The following PMS2 variants were observed in gnomAD, a reference collection of about 807,000 sequenced individuals.
PMS2 encodes PMS1 homolog 2, mismatch repair system component, also known as mismatch repair endonuclease PMS2.
Under a neutral mutation model 90.0 loss-of-function variants are expected in PMS2, and 69 were observed. That is an observed-to-expected ratio of 0.77 (90% CI 0.63 to 0.94). PMS2 has a LOEUF of 0.94. Among genes scored for constraint, PMS2 ranks in the 40% least tolerant of loss-of-function variants. The probability of loss-of-function intolerance (pLI) is 0.00; values close to 1 mark genes in which losing one functional copy is unlikely to be tolerated. For synonymous variants in PMS2, 332 were observed against 375.1 expected (o/e 0.89, Z 1.33); for missense variants, 966 against 1,040.2 (o/e 0.93, Z 0.98).
At position 5,999,182 on chromosome 7, in the gene PMS2, G is replaced by C. The variant is rs760228510; in HGVS notation, c.631C>G (p.Arg211Gly). ...CCACCTGTGCATACCACAGGCTGTC[G>C]TTTTCCTTGTCCAAGCTGATTGGTG... The part of the protein sequence containing the change: ...SCTNQLGQGK[R>G]QPVVCTGGSP... Residue 211 changes from arginine (R) to glycine (G), a missense_variant, in exon 6 of 15, where the codon CGA becomes GGA. Physicochemically the swap from Arg to Gly is moderately radical, Grantham distance 125. Transcript: ENST00000265849. The C allele has an allele frequency of 6.2e-7, 1 of 1,614,046 alleles. No individual in the cohort carries two copies. The highest frequency in any genetic ancestry group is 8.5e-7 in the Non-Finnish European group (1 of 1,179,996).
At chr7:5,983,853 T>C (rs889220792) in intron 11 of PMS2, among the ~76,000 whole-genome samples, 2 of 151,670 alleles carry the variant, frequency 1.3e-5, no homozygotes, top group African/African-American at 2.4e-5. Flanking sequence ...GGTTTCACCA[T>C]GTTGGCTAGG....
chr7:5,988,944 C>T (rs1283560941), intron 10 of PMS2, among the ~76,000 whole-genome samples: 1 of 152,138 alleles, frequency 6.6e-6, no homozygotes, highest in Non-Finnish European at 1.5e-5. Flanking sequence ...CAAGCCCCTC[C>T]TCCCGGGTTC....
intron 7 of PMS2, 129 bp from the exon 8 acceptor site, chr7:5,995,762 G>A (rs2128777490): frequency 1.4e-6 from 1 of 729,982 alleles, no homozygotes; most frequent in East Asian, 2.6e-5. Flanking sequence ...GATCACTATT[G>A]CAGTTCACGG....
intron 9 of PMS2, among the ~76,000 whole-genome samples, chr7:5,991,048 A>G (rs139507080): frequency 9.1e-4 from 139 of 152,302 alleles, no homozygotes; most frequent in African/African-American, 3.3e-3. Flanking sequence ...GCAGATAATG[A>G]TTTAATTATA....
chr7:5,997,447 A>C, intron 6 of PMS2, 24 bp from the exon 7 acceptor site: 1 of 1,259,274 alleles, frequency 7.9e-7, no homozygotes, highest in South Asian at 1.2e-5. Flanking sequence ...AAAAAAATTC[A>C]CAGTTACTTC....
intron 10 of PMS2, among the ~76,000 whole-genome samples, chr7:5,989,571 G>A (rs1783482195): frequency 6.6e-6 from 1 of 151,976 alleles, no homozygotes; most frequent in African/African-American, 2.4e-5. Flanking sequence ...GGAGGCTGAG[G>A]CAGGAAGATG....
chr7:6,003,421 C>A (rs1361265390), intron 4 of PMS2: 14 of 368,288 alleles, frequency 3.8e-5, no homozygotes, highest in Non-Finnish European at 6.8e-5. Context: ...TGGTAACTAT[C>A]ATTTATTATC....
chr7:5,998,461 G>C (rs1306996242), intron 6 of PMS2, among the ~76,000 whole-genome samples: 1 of 150,802 alleles, frequency 6.6e-6, no homozygotes, highest in African/African-American at 2.4e-5. Flanking sequence ...GGGAGGCCGA[G>C]GCAGGCGGAT....
chr7:5,983,616 A>C (rs1782544000), intron 11 of PMS2, among the ~76,000 whole-genome samples: 4 of 151,828 alleles, frequency 2.6e-5, no homozygotes, highest in South Asian at 2.1e-4. Flanking sequence ...ACAAGTTTTC[A>C]GACCTGTACA....
rs1583323473 is a variant in PMS2, at chr7:5,987,569, T to C, written c.1196A>G (p.Lys399Arg). Reference sequence around the variant, plus strand: ...CCTTAATGAAGGGGATTGATCCTGCTTTTCTACCATGGGCTTTTCCAAATC... The same window carrying C: ...CCTTAATGAAGGGGATTGATCCTGCCTTTCTACCATGGGCTTTTCCAAATC... ...AADLEKPMVE[K>R]QDQSPSLRTG... Residue 399 changes from lysine to arginine, a missense_variant, in exon 11 of 15, where the codon AAG becomes AGG. Coordinates refer to ENST00000265849, the MANE Select transcript of PMS2 (RefSeq NM_000535.7). 1 of 1,612,994 alleles carries C rather than the reference T, an allele frequency of 6.2e-7. No homozygotes were observed.
chr7:5,990,968 T>A (rs1375497890), intron 9 of PMS2, among the ~76,000 whole-genome samples: 1 of 152,056 alleles, frequency 6.6e-6, no homozygotes, highest in Non-Finnish European at 1.5e-5. Context: ...TGAGCTGATA[T>A]TACACCACTG....
At position 5,997,387 on chromosome 7, in the gene PMS2, TA is replaced by T. The variant is rs1583374709; in HGVS notation, c.741del (p.Ser248ValfsTer10). The T allele has an allele frequency of 6.2e-7, 1 of 1,601,744 alleles. No homozygotes were observed. ...QSLIPFVQLPPSDSVCEEYGL... is the reference protein window; with the variant it reads ...QSLIPFVQLPXSDSVCEEYGL... Reference sequence around the variant, plus strand: ...CCGTACTCTTCACACACGGAGTCACTAGGGGGCAGCTGAACAAAAGGAATGA... The same window carrying T: ...CCGTACTCTTCACACACGGAGTCACTGGGGGCAGCTGAACAAAAGGAATGA... On this transcript the variant is annotated frameshift_variant, in exon 7 of 15. Coordinates refer to ENST00000265849, the MANE Select transcript of PMS2 (RefSeq NM_000535.7). LOFTEE classifies it high-confidence loss of function.
chr7:6,005,771 T>A, intron 2 of PMS2, 121 bp downstream of exon 2: 1 of 1,510,958 alleles, frequency 6.6e-7, no homozygotes, highest in South Asian at 1.2e-5. Context: ...TAACTTCAAC[T>A]TAAAAATAAT....
chr7:5,980,739 G>A (rs1349667307), intron 12 of PMS2, among the ~76,000 whole-genome samples: 1 of 126,000 alleles, frequency 7.9e-6, no homozygotes, highest in Admixed American at 8.1e-5. Context: ...CAGTATGGGC[G>A]AAAGAGTGAA....
intron 2 of PMS2, among the ~76,000 whole-genome samples, chr7:6,005,592 C>T (rs1785644066): frequency 6.6e-6 from 1 of 152,190 alleles, no homozygotes; most frequent in Non-Finnish European, 1.5e-5. Context: ...CCACCTCGGC[C>T]TCTCAAAGGG....
intron 1 of PMS2, 40 bp from the exon 2 acceptor site, chr7:6,006,071 C>G: frequency 9.3e-6 from 15 of 1,605,940 alleles, no homozygotes; most frequent in Non-Finnish European, 1.3e-5. Context: ...AAGTATTCAG[C>G]TATATATTTT....
chr7:5,987,441 G>C lies in PMS2; in HGVS notation c.1324C>G (p.Pro442Ala), dbSNP rs1783134322. 1.2e-6 allele frequency: 2 copies of C among 1,614,084 alleles called. No homozygotes were observed. The highest frequency in any genetic ancestry group is 1.6e-4 in the Middle Eastern group (1 of 6,062). ...TTCTGTCCTAGAGGGCTCCTTCTTG[G>C]TTCTGGAGTCTTTGGGCTGTGAGGC... ...NKPHSPKTPE[P>A]RRSPLGQKRG... is the part of the protein sequence containing the mutation. The change falls in exon 11 of 15, where the codon CCA becomes GCA. Residue 442 changes from proline to alanine, a missense_variant. Around this residue, in one of 2 missense-constraint regions of PMS2, gnomAD observed 871 missense variants for 802.4 expected, o/e 1.09. Transcript: ENST00000265849.
intron 12 of PMS2, among the ~76,000 whole-genome samples, chr7:5,978,920 T>TG (rs1782017349): frequency 6.7e-6 from 1 of 149,160 alleles, no homozygotes; most frequent in African/African-American, 2.5e-5. Flanking sequence ...ACAGGCCAGG[T>TG]GCGGTGGCTC....
intron 8 of PMS2, among the ~76,000 whole-genome samples, chr7:5,993,370 C>CAAAAAAAAAAAAAA (rs141290969): frequency 2.7e-5 from 2 of 72,974 alleles, no homozygotes; most frequent in African/African-American, 5.6e-5. Context: ...GACTCCGTCT[C>CAAAAAAAAAAAAAA]AAAAAAAAAA....
Sources: gnomAD v4.1 joint callset for allele counts (sites outside exome capture counted in the v4.1 genomes callset) on GRCh38, gnomAD v4.1.1 for gene constraint, gnomAD v4.1.1 regional missense constraint, MANE v1.5 for transcripts, NCBI Gene and HGNC (gene_info 2026-07-23, HGNC 2026-07-21) for gene names.